The following RAB38 variants were observed in gnomAD, a reference collection of about 807,000 sequenced individuals.
RAB38 encodes ras-related protein Rab-38.
In RAB38, 15 loss-of-function variants were observed where a neutral mutation model predicts 18.4. That is an observed-to-expected ratio of 0.82 (90% CI 0.55 to 1.26). RAB38 has a LOEUF of 1.26. Among genes scored for constraint, RAB38 ranks in the 50% most tolerant of loss-of-function variants. The pLI is 0.00. For missense variants in RAB38, 294 were observed against 267.4 expected, an observed-to-expected ratio of 1.10 and a Z score of -0.69; for synonymous variants, 101 against 104.4, an observed-to-expected ratio of 0.97 and a Z score of 0.20.
chr11:87,878,608 A>C, the RAB38 span, among the ~76,000 whole-genome samples: 1 of 151,662 alleles, frequency 6.6e-6, no homozygotes, highest in Non-Finnish European at 1.5e-5. Flanking sequence ...AGTTTTAAAA[A>C]AGCAATTTCC....
rs1311478919 is a variant in RAB38, at chr11:88,151,209, G to GT, written c.203-1255dup. On this transcript the variant is annotated intron_variant, in intron 1 of 2. Transcript: ENST00000243662. ...AATATGTACTGCAGAGTTTTGCCAT[G>GT]TGGATGAAGTGAATTAATATATGCA... Among the ~76,000 whole-genome samples the GT allele has an allele frequency of 7.9e-5, 12 of 152,296 alleles. 1 individual carries two copies. In the South Asian group the frequency reaches 2.5e-3, roughly 32 times the overall value.
chr11:87,828,294 A>G, the RAB38 span, among the ~76,000 whole-genome samples: 2 of 152,174 alleles, frequency 1.3e-5, no homozygotes, highest in Admixed American at 1.3e-4. Context: ...TCTTGCTTAG[A>G]CTATCAAGAA....
chr11:88,020,949 C>T, the RAB38 span, among the ~76,000 whole-genome samples: 2 of 151,710 alleles, frequency 1.3e-5, no homozygotes, highest in Non-Finnish European at 2.9e-5. Flanking sequence ...ACAACAAAAG[C>T]AGTATTAAGA....
At chr11:87,939,429 T>C in the RAB38 span, among the ~76,000 whole-genome samples, 1 of 150,834 alleles carries the variant, frequency 6.6e-6, no homozygotes, top group African/African-American at 2.4e-5. Flanking sequence ...GACATCAATA[T>C]AGAAATAAAG....
chr11:87,926,719 G>A, the RAB38 span, among the ~76,000 whole-genome samples: 1 of 152,008 alleles, frequency 6.6e-6, no homozygotes, highest in Non-Finnish European at 1.5e-5. Context: ...ATTACTCAAG[G>A]ATGAGCAAGA....
At chr11:87,900,505 C>T in the RAB38 span, among the ~76,000 whole-genome samples, 10 of 151,634 alleles carry the variant, frequency 6.6e-5, no homozygotes, top group Non-Finnish European at 1.3e-4. Context: ...CTGAAGATAG[C>T]ACTGTTTCTT....
the RAB38 span, among the ~76,000 whole-genome samples, chr11:87,975,925 A>T: frequency 1.4e-4 from 21 of 151,558 alleles, no homozygotes; most frequent in South Asian, 8.3e-4. Context: ...AATGGCATTT[A>T]AAAGATTAAA....
intron 2 of RAB38, among the ~76,000 whole-genome samples, 185 bp from the exon 3 acceptor site, chr11:88,114,325 A>G (rs987504678): frequency 6.6e-6 from 1 of 152,168 alleles, no homozygotes; most frequent in Non-Finnish European, 1.5e-5. Flanking sequence ...CTCAAAAAAG[A>G]AGTATTTATT....
the RAB38 span, among the ~76,000 whole-genome samples, chr11:88,090,494 T>C: frequency 4.0e-3 from 610 of 152,046 alleles, 5 homozygotes; most frequent in African/African-American, 0.014. Flanking sequence ...TAGCAAGTCA[T>C]TACAAAAGTG....
chr11:87,938,298 T>G, the RAB38 span, among the ~76,000 whole-genome samples: 1 of 152,032 alleles, frequency 6.6e-6, no homozygotes, highest in East Asian at 1.9e-4. Context: ...CTAGGTTGTC[T>G]TTGACACCAT....
At chr11:87,961,595 C>T in the RAB38 span, among the ~76,000 whole-genome samples, 4 of 152,216 alleles carry the variant, frequency 2.6e-5, no homozygotes, top group South Asian at 8.3e-4. Flanking sequence ...ATTTTCTCCC[C>T]AAAAGTCAAT....
At chr11:88,173,716 T>A (rs867468840) in intron 1 of RAB38, 1 of 985,058 alleles carries the variant, frequency 1.0e-6, no homozygotes. Flanking sequence ...ACAGAGAGAA[T>A]TTTTTTAGAT....
the RAB38 span, among the ~76,000 whole-genome samples, chr11:88,004,552 C>T: frequency 4.0e-5 from 6 of 151,210 alleles, no homozygotes; most frequent in African/African-American, 1.5e-4. Context: ...AAGGATCAAA[C>T]GCTATCCATC....
At chr11:87,847,630 T>A in the RAB38 span, among the ~76,000 whole-genome samples, 1 of 151,814 alleles carries the variant, frequency 6.6e-6, no homozygotes, top group African/African-American at 2.4e-5. Context: ...GTGGAGTGAG[T>A]AGGGGTGAGA....
chr11:87,904,798 C>T, the RAB38 span, among the ~76,000 whole-genome samples: 5 of 151,818 alleles, frequency 3.3e-5, no homozygotes, highest in South Asian at 2.1e-4. Context: ...AATGGTGTCT[C>T]ACTGTAGTTT....
the RAB38 span, among the ~76,000 whole-genome samples, chr11:87,976,370 T>C: frequency 1.4e-5 from 2 of 141,364 alleles, no homozygotes; most frequent in Admixed American, 1.5e-4. Context: ...AAAAAATATA[T>C]ACAAATACAA....
the RAB38 span, among the ~76,000 whole-genome samples, chr11:88,094,212 T>C: frequency 6.6e-6 from 1 of 151,856 alleles, no homozygotes; most frequent in Non-Finnish European, 1.5e-5. Context: ...TTTCCCAATA[T>C]ACCACTATTC....
the RAB38 span, among the ~76,000 whole-genome samples, chr11:87,850,698 C>A: frequency 1.4e-5 from 2 of 146,822 alleles, no homozygotes; most frequent in African/African-American, 5.1e-5. Flanking sequence ...TGGGGGGATC[C>A]AATCCCACAA....
the RAB38 span, among the ~76,000 whole-genome samples, chr11:88,040,240 A>G: frequency 6.6e-6 from 1 of 152,204 alleles, no homozygotes; most frequent in Non-Finnish European, 1.5e-5. Flanking sequence ...CAGAGTATCA[A>G]CAGGACTAGT....
Sources: gnomAD v4.1 joint callset for allele counts (sites outside exome capture counted in the v4.1 genomes callset) on GRCh38, gnomAD v4.1.1 for gene constraint, MANE v1.5 for transcripts, NCBI Gene and HGNC (gene_info 2026-07-23, HGNC 2026-07-21) for gene names.